ALX4: variants seen among roughly 807,000 people sequenced by gnomAD.
ALX4 encodes ALX homeobox 4, also known as homeobox protein aristaless-like 4.
ALX4 carries 22 observed loss-of-function variants against 40.6 expected under a neutral mutation model. The observed-to-expected ratio is 0.54, with a 90% CI of 0.39 to 0.77. The LOEUF (loss-of-function observed/expected upper bound fraction) is 0.77. Among genes scored for constraint, ALX4 ranks in the 30% least tolerant of loss-of-function variants. The probability of loss-of-function intolerance (pLI) is 0.00; values close to 1 mark genes in which losing one functional copy is unlikely to be tolerated. For missense variants in ALX4, 556 were observed against 564.8 expected, an observed-to-expected ratio of 0.98 and a Z score of 0.16; for synonymous variants, 266 against 240.5, an observed-to-expected ratio of 1.11 and a Z score of -0.98.
chr11:44,288,956 T>A (rs113296157), intron 1 of ALX4, among the ~76,000 whole-genome samples: 1 of 152,146 alleles, frequency 6.6e-6, no homozygotes, highest in Non-Finnish European at 1.5e-5. Context: ...CCAGCTTGTG[T>A]CTGGAATTTG....
At chr11:44,298,824 A>G (rs1057136792) in intron 1 of ALX4, among the ~76,000 whole-genome samples, 5 of 152,086 alleles carry the variant, frequency 3.3e-5, no homozygotes, top group African/African-American at 1.2e-4. Flanking sequence ...ATTTTCTACC[A>G]GAATGCAAGA....
At position 44,267,612 on chromosome 11, in the gene ALX4, T is replaced by A; in HGVS notation, c.788A>T (p.Gln263Leu). ...CTTCCTCCACTTGGCCCTTCGGTTCTGGAACCAGACCTACAAGACGCGAAA... is the reference window on the plus strand; with the variant it reads ...CTTCCTCCACTTGGCCCTTCGGTTCAGGAACCAGACCTACAAGACGCGAAA... The part of the protein sequence containing the change: ...LTEARVQVWF[Q>L]NRRAKWRKRE... Residue 263 changes from glutamine (Q) to leucine (L), a missense_variant, in exon 3 of 4, where the codon CAG (glutamine) becomes CTG (leucine). Physicochemically the swap from Gln to Leu is moderately radical, Grantham distance 113. Transcript: ENST00000652299. 6.2e-7 allele frequency: 1 copy of A among 1,614,172 alleles called. No homozygotes were observed.
intron 1 of ALX4, among the ~76,000 whole-genome samples, chr11:44,308,018 T>A (rs956414948): frequency 2.6e-5 from 4 of 152,102 alleles, no homozygotes; most frequent in Non-Finnish European, 5.9e-5. Flanking sequence ...TCTGAATGCC[T>A]GATCTCATTC....
intron 1 of ALX4, among the ~76,000 whole-genome samples, chr11:44,276,143 T>C (rs1956276767): frequency 1.3e-5 from 2 of 152,006 alleles, no homozygotes; most frequent in Non-Finnish European, 2.9e-5. Flanking sequence ...CAGACAGGAG[T>C]GCCCCTCCTT....
intron 1 of ALX4, among the ~76,000 whole-genome samples, chr11:44,286,406 T>C (rs927869628): frequency 6.6e-6 from 1 of 152,134 alleles, no homozygotes; most frequent in Non-Finnish European, 1.5e-5. Flanking sequence ...CCCTGGCTGC[T>C]TACCCAGAAG....
chr11:44,306,106 G>C (rs1166295109), intron 1 of ALX4, among the ~76,000 whole-genome samples: 2 of 152,212 alleles, frequency 1.3e-5, no homozygotes, highest in Non-Finnish European at 1.5e-5. Context: ...GCCAAAGAGC[G>C]GACCCAGAGT....
At chr11:44,304,431 T>C (rs978809014) in intron 1 of ALX4, among the ~76,000 whole-genome samples, 7 of 152,102 alleles carry the variant, frequency 4.6e-5, no homozygotes, top group Non-Finnish European at 8.8e-5. Flanking sequence ...CTCTCCGGCA[T>C]ACACTCCCCT....
At chr11:44,309,163 C>CCCGCAGCCCCGCAGCG (rs1956488292) in intron 1 of ALX4, among the ~76,000 whole-genome samples, 1 of 120,338 alleles carries the variant, frequency 8.3e-6, no homozygotes, top group African/African-American at 3.2e-5. Context: ...GTCCCGCAGC[C>CCCGCAGCCCCGCAGCG]CCGCAGCCCC....
rs376902289 is a variant in ALX4, at chr11:44,283,725, C to T, written c.467-8067G>A. Among the ~76,000 whole-genome samples the T allele has an allele frequency of 2.8e-4, 42 of 152,186 alleles. 1 individual carries two copies. Among genetic ancestry groups the T allele is most frequent in the South Asian group, 4.2e-4 (2 of 4,806 alleles). ...ACTACAGGCATGGGCCACCACACCC[C>T]GCTCATTTTTGTATTTTTAGTAGAG... On this transcript the variant is annotated intron_variant, in intron 1 of 3. Transcript: ENST00000652299.
At chr11:44,305,229 T>C (rs1167152311) in intron 1 of ALX4, among the ~76,000 whole-genome samples, 1 of 152,252 alleles carries the variant, frequency 6.6e-6, no homozygotes, top group Non-Finnish European at 1.5e-5. Flanking sequence ...TCACTATATG[T>C]AAATTATAAT....
chr11:44,276,030 A>T (rs928355657), intron 1 of ALX4, among the ~76,000 whole-genome samples: 8 of 152,152 alleles, frequency 5.3e-5, no homozygotes, highest in African/African-American at 1.9e-4. Context: ...GGGCCCGAGA[A>T]TTCTGACCCC....
In ALX4 at chr11:44,309,722, G is replaced by C; in HGVS notation, c.341C>G (p.Pro114Arg). The C allele has an allele frequency of 6.4e-7, 1 of 1,564,128 alleles. No individual in the cohort carries two copies. The highest frequency in any genetic ancestry group is 8.7e-7 in the Non-Finnish European group (1 of 1,155,764). ...QPQPQQQQPQ[P>R]QPPAQPHLYL... ...AAGATGCGGTTGCGCGGGCGGCTGG[G>C]GCTGCGGCTGCTGCTGCTGCGGCTG... is the stretch of plus-strand genomic sequence containing the variant. Residue 114 changes from proline to arginine, a missense_variant, in exon 1 of 4, where the codon CCC becomes CGC. Pro to Arg is a moderately radical substitution (Grantham distance 103). Coordinates refer to ENST00000652299, the MANE Select transcript of ALX4 (RefSeq NM_021926.4).
chr11:44,272,077 A>G (rs1043224280), intron 2 of ALX4, among the ~76,000 whole-genome samples: 1 of 152,202 alleles, frequency 6.6e-6, no homozygotes, highest in African/African-American at 2.4e-5. Flanking sequence ...AAACTCAGGC[A>G]TGTAAGGTCA....
chr11:44,269,885 A>G (rs1956235135), intron 2 of ALX4, among the ~76,000 whole-genome samples: 1 of 152,092 alleles, frequency 6.6e-6, no homozygotes, highest in South Asian at 2.1e-4. Context: ...TCAGCCTCCC[A>G]GGGTTTTCTG....
intron 1 of ALX4, among the ~76,000 whole-genome samples, chr11:44,278,618 CA>C (rs1956291571): frequency 1.3e-5 from 2 of 152,192 alleles, no homozygotes; most frequent in Admixed American, 6.5e-5. Flanking sequence ...CCACTGAGAC[CA>C]AGTGAGCAGG....
chr11:44,306,219 C>T (rs1473561958), intron 1 of ALX4, among the ~76,000 whole-genome samples: 1 of 152,224 alleles, frequency 6.6e-6, no homozygotes. Context: ...ACTGCGGAGC[C>T]GCCTTAATCG....
At chr11:44,293,161 AAGGAAGGAAG>A (rs1565007508) in intron 1 of ALX4, among the ~76,000 whole-genome samples, 2 of 30,938 alleles carry the variant, frequency 6.5e-5, no homozygotes, top group Non-Finnish European at 1.3e-4. Context: ...GGAAGGAAGG[AAGGAAGGAAG>A]CAGGCAGGCA....
chr11:44,276,551 G>A (rs2135314871), intron 1 of ALX4, among the ~76,000 whole-genome samples: 1 of 152,344 alleles, frequency 6.6e-6, no homozygotes, highest in South Asian at 2.1e-4. Flanking sequence ...GGAGGCTGGG[G>A]TGGGAGAGTG....
At chr11:44,289,567 G>T (rs929095110) in intron 1 of ALX4, among the ~76,000 whole-genome samples, 14 of 152,184 alleles carry the variant, frequency 9.2e-5, no homozygotes, top group Admixed American at 7.9e-4. Context: ...TTTCAAGGTG[G>T]TGATGAGTTA....
Sources: allele counts gnomAD v4.1 joint callset (sites outside exome capture counted in the v4.1 genomes callset), GRCh38; gene constraint gnomAD v4.1.1; transcripts MANE v1.5; gene names NCBI Gene and HGNC (gene_info 2026-07-23, HGNC 2026-07-21).